PARP10: variants seen among roughly 807,000 people sequenced by gnomAD.
PARP10 encodes protein mono-ADP-ribosyltransferase PARP10.
In PARP10, 56 loss-of-function variants were observed where a neutral mutation model predicts 82.4. The ratio of observed to expected loss-of-function variants is 0.68; its 90% confidence interval spans 0.55 to 0.85. PARP10 has a LOEUF of 0.85. Among genes scored for constraint, PARP10 ranks in the 40% least tolerant of loss-of-function variants. PARP10 has a pLI of 0.00. For synonymous variants in PARP10, 576 were observed against 601.1 expected (o/e 0.96, Z 0.61); for missense variants, 1,227 against 1,379.4 (o/e 0.89, Z 1.75).
chr8:143,980,318 T>TAAAAAAAAA lies in PARP10; in HGVS notation c.2557-2238_2557-2237insTTTTTTTTT, dbSNP rs1564247548. Among the ~76,000 whole-genome samples, 25 of 15,678 alleles carry TAAAAAAAAA rather than the reference T, an allele frequency of 1.6e-3. 1 individual carries two copies. The highest frequency in any genetic ancestry group is 3.3e-3 in the African/African-American group (24 of 7,190). The allele number at this position is 15,678 out of a possible 152,430, so 10.3% of individuals were successfully genotyped here. A position where few individuals can be genotyped will look rare whatever the true frequency, so the allele number is the denominator to read the frequency against. On this transcript the variant is annotated intron_variant, in intron 9 of 10. Coordinates refer to ENST00000313028, the MANE Select transcript of PARP10 (RefSeq NM_032789.5). ...CTGGGCTACTGAGTGAGATTCCGTCTCAAAAAAAAAAAAAAAAAAAAAAAA... is the reference window on the plus strand; with the variant it reads ...CTGGGCTACTGAGTGAGATTCCGTCTAAAAAAAAACAAAAAAAAAAAAAAAAAAAAAAAA...
chr8:143,998,195 G>A (rs571363356), intron 1 of PARP10, among the ~76,000 whole-genome samples: 5 of 152,272 alleles, frequency 3.3e-5, no homozygotes, highest in African/African-American at 1.2e-4. Context: ...AGTTGCAGCT[G>A]TGTGATTCAC....
chr8:143,984,744 T>C lies in PARP10; in HGVS notation c.1258A>G (p.Thr420Ala). 6.2e-7 allele frequency: 1 copy of C among 1,613,210 alleles called. No homozygotes were observed. Among genetic ancestry groups the C allele is most frequent in the Non-Finnish European group, 8.5e-7 (1 of 1,179,642 alleles). The change falls in exon 5 of 11, where the codon ACC becomes GCC. Residue 420 changes from threonine to alanine, a missense_variant. Thr to Ala is a moderately conservative substitution (Grantham distance 58, BLOSUM62 0). Coordinates refer to ENST00000313028, the MANE Select transcript of PARP10 (RefSeq NM_032789.5). ...QEGLVGPMEI[T>A]MGSLEKAGPV... is the part of the protein sequence containing the mutation. ...CCTGCCTTCTCCAGAGACCCCATGG[T>C]GATCTCCATGGGACCCACCAGCCCC...
rs1833907318 is a variant in PARP10, at chr8:143,983,342, C to T, written c.2247G>A (p.Glu749=). The T allele has an allele frequency of 1.2e-6, 2 of 1,610,202 alleles. No individual in the cohort carries two copies. The highest frequency in any genetic ancestry group is 1.7e-4 in the Middle Eastern group (1 of 6,058). ...VGPWRRTLPA[E]LRARLERCHG... The stretch of plus-strand genomic sequence containing the variant: ...GGCACCGCTCCAGGCGAGCACGCAG[C>T]TCTGCAGGCAGTGTGCGGCGCCAGG... Residue 749 remains glutamate (E), a synonymous_variant, in exon 8 of 11, where the codon GAG becomes GAA. Coordinates refer to ENST00000313028, the MANE Select transcript of PARP10 (RefSeq NM_032789.5).
chr8:143,992,380 G>T (rs1554750692), upstream of PARP10: 2 of 1,606,682 alleles, frequency 1.2e-6, no homozygotes, highest in Non-Finnish European at 1.7e-6. Flanking sequence ...GCAGGTGAGG[G>T]GCCTCCCGTG....
intron 1 of PARP10, among the ~76,000 whole-genome samples, chr8:144,001,873 CGTGTGTGTGTGT>C (rs57117824): frequency 4.4e-5 from 6 of 136,416 alleles, no homozygotes; most frequent in South Asian, 2.4e-4. Flanking sequence ...AATATATATA[CGTGTGTGTGTGT>C]GTGTGTGTGT....
At chr8:143,983,899 C>T in intron 7 of PARP10, 88 bp from the exon 8 acceptor site, 1 of 1,503,658 alleles carries the variant, frequency 6.7e-7, no homozygotes, top group Non-Finnish European at 8.9e-7. Flanking sequence ...TTTTAGGGTA[C>T]AGGGTGGGCC....
At chr8:143,981,139 G>A (rs1298265261) in intron 9 of PARP10, among the ~76,000 whole-genome samples, 2 of 150,526 alleles carry the variant, frequency 1.3e-5, no homozygotes, top group Non-Finnish European at 2.9e-5. Context: ...GGTGCTCACC[G>A]GAAGAACCAA....
At chr8:143,995,564 A>C (rs1468695859), upstream of PARP10, among the ~76,000 whole-genome samples, 1 of 152,112 alleles carries the variant, frequency 6.6e-6, no homozygotes, top group Non-Finnish European at 1.5e-5. Context: ...AGCAATTGTG[A>C]GGCCACCACA....
chr8:143,979,542 C>T (rs1833797483), intron 9 of PARP10, among the ~76,000 whole-genome samples: 1 of 152,194 alleles, frequency 6.6e-6, no homozygotes, highest in African/African-American at 2.4e-5. Context: ...CATATTAGGA[C>T]ACACGAGAAC....
chr8:143,984,575 G>A lies in PARP10; in HGVS notation c.1427C>T (p.Pro476Leu), dbSNP rs1554748706. 6.2e-7 allele frequency: 1 copy of A among 1,613,262 alleles called. No homozygotes were observed. Among genetic ancestry groups the A allele is most frequent in the South Asian group, 1.1e-5 (1 of 91,044 alleles). ...GCCAGTCATATCCGGTCCTTCAAGT[G>A]GCAAGAGAGCGACGTCTCCCAGGCC... is the stretch of plus-strand genomic sequence containing the variant. The part of the protein sequence containing the change: ...LAGLGDVALL[P>L]LEGPDMTGFR... Residue 476 changes from proline to leucine, a missense_variant, in exon 5 of 11, where the codon CCA (proline) becomes CTA (leucine). Physicochemically the swap from Pro to Leu is moderately conservative, Grantham distance 98. Coordinates refer to ENST00000313028, the MANE Select transcript of PARP10 (RefSeq NM_032789.5).
intron 1 of PARP10, among the ~76,000 whole-genome samples, chr8:143,997,908 CA>C (rs1834174708): frequency 6.6e-6 from 1 of 151,998 alleles, no homozygotes; most frequent in Non-Finnish European, 1.5e-5. Flanking sequence ...CTCAGTCCCC[CA>C]AGTAGCTGGG....
chr8:144,001,708 A>C (rs1219666572), intron 1 of PARP10, among the ~76,000 whole-genome samples: 1 of 152,050 alleles, frequency 6.6e-6, no homozygotes, highest in Admixed American at 6.6e-5. Context: ...CTCCATCTCA[A>C]AAAGAGAAGA....
chr8:143,991,964 C>T (rs1834105845), upstream of PARP10: 1 of 1,613,752 alleles, frequency 6.2e-7, no homozygotes, highest in Admixed American at 1.7e-5. Flanking sequence ...AGGGCTTTGT[C>T]CGGGAGAATG....
At chr8:143,992,105 C>A (rs1205896992), upstream of PARP10, 3 of 1,609,930 alleles carry the variant, frequency 1.9e-6, no homozygotes, top group African/African-American at 2.7e-5. Flanking sequence ...AGCCTCTGTG[C>A]CTGGGTCCGG....
Position 143,977,271 on chromosome 8 carries a change from C to G in PARP10, c.*213G>C, listed in dbSNP as rs1257964204. On this transcript the variant is annotated 3_prime_UTR_variant, in exon 11 of 11. Coordinates refer to ENST00000313028, the MANE Select transcript of PARP10 (RefSeq NM_032789.5). ...GGTGTCGCCTCCTGGGCTCTGCTGA[C>G]CCCTGGTGGTGGGGTCGGCCCAGGC... 1.7e-6 allele frequency: 1 copy of G among 578,134 alleles called. No homozygotes were observed. The highest frequency in any genetic ancestry group is 1.9e-5 in the African/African-American group (1 of 51,322). 35.8% of individuals were successfully genotyped at this position (578,134 alleles called of 1,614,324 possible). A position where few individuals can be genotyped will look rare whatever the true frequency, so the allele number is the denominator to read the frequency against.
At chr8:143,991,826 GC>G, upstream of PARP10, 1 of 1,608,894 alleles carries the variant, frequency 6.2e-7, no homozygotes, top group Non-Finnish European at 8.5e-7. Context: ...CATCTCCAAG[GC>G]GGTGGGGGCT....
At chr8:143,991,366 A>G, upstream of PARP10, 1 of 1,114,002 alleles carries the variant, frequency 9.0e-7, no homozygotes, top group Non-Finnish European at 1.2e-6. Flanking sequence ...CCCCCTTTCC[A>G]GCCCTCCCCC....
upstream of PARP10, chr8:143,991,028 C>T: frequency 2.2e-6 from 1 of 451,516 alleles, no homozygotes; most frequent in Non-Finnish European, 3.9e-6. Context: ...CCGTCCGGTC[C>T]TCACGCGCTT....
At chr8:143,981,206 G>A (rs1833840516) in intron 9 of PARP10, among the ~76,000 whole-genome samples, 1 of 152,220 alleles carries the variant, frequency 6.6e-6, no homozygotes. Flanking sequence ...GGGTGGTGGT[G>A]ATCCTGGTGG....
Sources: gnomAD v4.1 joint callset for allele counts (sites outside exome capture counted in the v4.1 genomes callset) on GRCh38, gnomAD v4.1.1 for gene constraint, MANE v1.5 for transcripts, NCBI Gene and HGNC (gene_info 2026-07-23, HGNC 2026-07-21) for gene names.